The following NPTN variants were observed in gnomAD, a reference collection of about 807,000 sequenced individuals.
NPTN encodes SDR-1.
Under a neutral mutation model 42.7 loss-of-function variants are expected in NPTN, and 5 were observed. The ratio of observed to expected loss-of-function variants is 0.12; its 90% CI spans 0.06 to 0.25. The LOEUF (loss-of-function observed/expected upper bound fraction) is 0.25. Ranked by LOEUF, NPTN falls within the 10% of genes least tolerant of loss-of-function variation. The pLI, the probability that NPTN is intolerant of heterozygous loss-of-function variation, is 1.00. For synonymous variants in NPTN, 180 were observed against 201.9 expected (o/e 0.89, Z 0.92); for missense variants, 307 against 525.4 (o/e 0.58, Z 4.06).
In NPTN at chr15:73,560,079, C is replaced by A; in HGVS notation, c.*984G>T. Reference sequence around the variant, plus strand: ...CACTTTTTTATACATCATTGCACTTCAATAATTACACAAAACACACAAGTA... The same window carrying A: ...CACTTTTTTATACATCATTGCACTTAAATAATTACACAAAACACACAAGTA... On this transcript the variant is annotated 3_prime_UTR_variant, in exon 9 of 9. Coordinates refer to ENST00000345330, the MANE Select transcript of NPTN (RefSeq NM_012428.4). 1 of 562,438 alleles carries A rather than the reference C, an allele frequency of 1.8e-6. No homozygotes were observed. The highest frequency in any genetic ancestry group is 2.8e-5 in the South Asian group (1 of 35,612). 34.8% of individuals were successfully genotyped at this position (562,438 alleles called of 1,614,324 possible).
intron 1 of NPTN, among the ~76,000 whole-genome samples, chr15:73,627,522 C>A (rs1898480308): frequency 6.6e-6 from 1 of 152,116 alleles, no homozygotes; most frequent in Non-Finnish European, 1.5e-5. Context: ...TAAATGTCTC[C>A]CCTAACTTAC....
At chr15:73,610,272 G>T (rs1446891362) in intron 1 of NPTN, among the ~76,000 whole-genome samples, 1 of 151,954 alleles carries the variant, frequency 6.6e-6, no homozygotes, top group African/African-American at 2.4e-5. Flanking sequence ...GTTTTTTGTA[G>T]AGATGAGGGT....
At chr15:73,604,026 A>T (rs1244043088) in intron 1 of NPTN, among the ~76,000 whole-genome samples, 1 of 152,244 alleles carries the variant, frequency 6.6e-6, no homozygotes, top group Admixed American at 6.5e-5. Context: ...ACAAGAAATA[A>T]GCATTTGGTA....
chr15:73,632,883 T>C, intron 1 of NPTN: 1 of 386,004 alleles, frequency 2.6e-6, no homozygotes, highest in Non-Finnish European at 4.6e-6. Flanking sequence ...ACGTGGAGCC[T>C]CCGAGTGGGC....
chr15:73,581,837 T>TG (rs1292489139), intron 4 of NPTN, among the ~76,000 whole-genome samples: 3 of 144,384 alleles, frequency 2.1e-5, no homozygotes, highest in African/African-American at 8.0e-5. Flanking sequence ...TATGGTGCTC[T>TG]TTTTTTTTTT....
At chr15:73,619,853 G>A (rs1898047671) in intron 1 of NPTN, among the ~76,000 whole-genome samples, 3 of 152,184 alleles carry the variant, frequency 2.0e-5, no homozygotes, top group Non-Finnish European at 4.4e-5. Context: ...ATAACTGAAT[G>A]GGTATTAGGG....
At chr15:73,602,933 C>T (rs553550214) in intron 1 of NPTN, among the ~76,000 whole-genome samples, 1 of 152,350 alleles carries the variant, frequency 6.6e-6, no homozygotes, top group Non-Finnish European at 1.5e-5. Flanking sequence ...TGAAATTATA[C>T]CATTCAAAAT....
intron 3 of NPTN, among the ~76,000 whole-genome samples, chr15:73,588,975 A>ACAGG (rs1896456337): frequency 6.6e-6 from 1 of 152,186 alleles, no homozygotes; most frequent in Admixed American, 6.5e-5. Context: ...GAACACAAAC[A>ACAGG]CAGAGTGAAT....
At chr15:73,584,648 T>C (rs1402766622) in intron 4 of NPTN, among the ~76,000 whole-genome samples, 1 of 151,748 alleles carries the variant, frequency 6.6e-6, no homozygotes, top group African/African-American at 2.4e-5. Context: ...TTCCCTCTCC[T>C]GACCGGCCCT....
In NPTN at chr15:73,621,497, A is replaced by G. The variant is rs150875609; in HGVS notation, c.91+11628T>C. ...AGCTAAACAAGCATGCCATTTAAAA[A>G]TATAGCAGTTTATTAAGCACTTCAG... On this transcript the variant is annotated intron_variant, in intron 1 of 8. Transcript: ENST00000345330. Among the ~76,000 whole-genome samples the G allele has an allele frequency of 2.6e-4, 40 of 152,326 alleles. No homozygotes were observed. The East Asian group carries it at 7.1e-3, about 27-fold the overall frequency.
At chr15:73,612,420 CAAA>C (rs35226980) in intron 1 of NPTN, among the ~76,000 whole-genome samples, 55 of 120,010 alleles carry the variant, frequency 4.6e-4, no homozygotes, top group Non-Finnish European at 3.4e-4. Flanking sequence ...ATCCTGTCTC[CAAA>C]AAAAAAAAAA....
chr15:73,573,309 C>T (rs1895510528), intron 5 of NPTN, among the ~76,000 whole-genome samples: 1 of 152,078 alleles, frequency 6.6e-6, no homozygotes, highest in African/African-American at 2.4e-5. Context: ...CTGAGGCCTC[C>T]CCGGCAATGC....
At chr15:73,576,275 C>T (rs964924011) in intron 4 of NPTN, among the ~76,000 whole-genome samples, 2 of 152,130 alleles carry the variant, frequency 1.3e-5, no homozygotes, top group African/African-American at 2.4e-5. Context: ...TTAGCATGGT[C>T]GTGAAGAAAA....
At chr15:73,619,992 C>A (rs1041553581) in intron 1 of NPTN, among the ~76,000 whole-genome samples, 1 of 152,168 alleles carries the variant, frequency 6.6e-6, no homozygotes, top group Non-Finnish European at 1.5e-5. Flanking sequence ...ACTGAGAAAA[C>A]AGAGGCTAAG....
At chr15:73,568,149 T>C (rs1459051368) in intron 6 of NPTN, 1 of 985,414 alleles carries the variant, frequency 1.0e-6, no homozygotes, top group Non-Finnish European at 1.2e-6. Context: ...TCTGCACTTA[T>C]CCAACAGAAC....
intron 4 of NPTN, among the ~76,000 whole-genome samples, chr15:73,582,061 G>T (rs975701939): frequency 6.6e-6 from 1 of 152,106 alleles, no homozygotes; most frequent in East Asian, 1.9e-4. Context: ...GTCTGGTCTT[G>T]AACTCCCGAC....
chr15:73,587,420 C>T lies in NPTN; in HGVS notation c.706+104G>A, dbSNP rs144262502. On this transcript the variant is annotated intron_variant, in intron 4 of 8. Coordinates refer to ENST00000345330, the MANE Select transcript of NPTN (RefSeq NM_012428.4). ...GCCTAACCACAACATTATATTGTGT[C>T]TCGACATGGAAAGAAGAGGAGCTTG... The T allele has an allele frequency of 3.2e-3, 2,631 of 811,998 alleles. 9 individuals carry two copies. Among genetic ancestry groups the T allele is most frequent in the Non-Finnish European group, 5.0e-3 (2,415 of 484,248 alleles). 50.3% of individuals were successfully genotyped at this position (811,998 alleles called of 1,614,324 possible). A position where few individuals can be genotyped will look rare whatever the true frequency, so the allele number is the denominator to read the frequency against.
At chr15:73,599,052 G>T (rs766955674) in intron 1 of NPTN, among the ~76,000 whole-genome samples, 15 of 152,140 alleles carry the variant, frequency 9.9e-5, no homozygotes, top group Non-Finnish European at 2.1e-4. Context: ...TAGACTAAAC[G>T]TTCTGCCTTT....
intron 1 of NPTN, among the ~76,000 whole-genome samples, chr15:73,598,472 TA>T (rs201563805): frequency 0.024 from 3,476 of 142,106 alleles, 70 homozygotes; most frequent in African/African-American, 0.058. Flanking sequence ...CAGAAAGAGT[TA>T]AAAAAAAAAA....
Sources: allele counts gnomAD v4.1 joint callset (sites outside exome capture counted in the v4.1 genomes callset), GRCh38; gene constraint gnomAD v4.1.1; transcripts MANE v1.5; gene names NCBI Gene and HGNC (gene_info 2026-07-23, HGNC 2026-07-21).